Variants in CD96 observed in about 807,000 individuals in gnomAD.
CD96 encodes the protein T-cell surface protein tactile.
A neutral mutation model predicts 71.3 loss-of-function variants in CD96; 70 were observed. The ratio of observed to expected loss-of-function variants is 0.98; its 90% confidence interval spans 0.81 to 1.20. The LOEUF is 1.20. CD96 is among the 50% of genes most tolerant of loss of function. The pLI, the probability that CD96 is intolerant of heterozygous loss-of-function variation, is 0.00. For missense variants in CD96, 742 were observed against 677.5 expected, an observed-to-expected ratio of 1.10 and a Z score of -1.06; for synonymous variants, 248 against 233.0, an observed-to-expected ratio of 1.06 and a Z score of -0.59.
chr3:111,639,089 T>C (rs957232528), intron 12 of CD96, among the ~76,000 whole-genome samples: 2 of 152,126 alleles, frequency 1.3e-5, no homozygotes, highest in East Asian at 1.9e-4. Flanking sequence ...AGAGTCTTCA[T>C]TGTGAATTTT....
At chr3:111,544,517 C>T (rs1158032027) in intron 1 of CD96, among the ~76,000 whole-genome samples, 6 of 152,154 alleles carry the variant, frequency 3.9e-5, no homozygotes, top group African/African-American at 1.4e-4. Context: ...GGGTTAACAA[C>T]ATCACCTATG....
In CD96 at chr3:111,632,411, G is replaced by A. The variant is rs185997540; in HGVS notation, c.1322-4785G>A. Among the ~76,000 whole-genome samples, 28 of 152,000 alleles carry A rather than the reference G, an allele frequency of 1.8e-4. 1 individual carries two copies. The highest frequency in any genetic ancestry group is 5.3e-4 in the African/African-American group (22 of 41,458). Reference sequence around the variant, plus strand: ...CATTAGAGAAATGCAAATCGAAACCGCAATGAGATACCATCTCACACCAGT... The same window carrying A: ...CATTAGAGAAATGCAAATCGAAACCACAATGAGATACCATCTCACACCAGT... On this transcript the variant is annotated intron_variant, in intron 10 of 13. Coordinates refer to ENST00000352690, the MANE Select transcript of CD96 (RefSeq NM_005816.5).
chr3:111,654,564 C>T (rs1482741001), downstream of CD96, among the ~76,000 whole-genome samples: 1 of 152,218 alleles, frequency 6.6e-6, no homozygotes, highest in Non-Finnish European at 1.5e-5. Context: ...AATCTCCAAA[C>T]TCTTTCCTGT....
At chr3:111,589,854 A>T (rs1936894528) in intron 5 of CD96, among the ~76,000 whole-genome samples, 1 of 152,206 alleles carries the variant, frequency 6.6e-6, no homozygotes, top group Admixed American at 6.5e-5. Flanking sequence ...TCAAATTCTA[A>T]TTCAACTACT....
At chr3:111,577,474 C>A in intron 3 of CD96, 1 of 1,541,422 alleles carries the variant, frequency 6.5e-7, no homozygotes, top group Non-Finnish European at 9.0e-7. Flanking sequence ...CAGTCTTTCT[C>A]CCTTCTTCTT....
At chr3:111,554,503 C>A (rs562684424) in intron 2 of CD96, among the ~76,000 whole-genome samples, 31 of 152,124 alleles carry the variant, frequency 2.0e-4, no homozygotes, top group African/African-American at 7.2e-4. Flanking sequence ...CTATTTTTCT[C>A]TTATTTTCTT....
chr3:111,577,443 G>A, intron 3 of CD96: 1 of 1,191,730 alleles, frequency 8.4e-7, no homozygotes, highest in Non-Finnish European at 1.3e-6. Context: ...AGCTCCTCTG[G>A]GGGATCCTAT....
chr3:111,617,459 C>T (rs188819471), intron 8 of CD96, among the ~76,000 whole-genome samples: 12 of 152,282 alleles, frequency 7.9e-5, no homozygotes, highest in African/African-American at 2.4e-4. Context: ...CATGAAAAAC[C>T]GGGGATTCAG....
At chr3:111,615,075 G>A (rs1938162132) in intron 8 of CD96, among the ~76,000 whole-genome samples, 1 of 152,206 alleles carries the variant, frequency 6.6e-6, no homozygotes. Flanking sequence ...TCAACGTGAG[G>A]TGGCTTGTGC....
chr3:111,595,257 T>C (rs1937202140), intron 5 of CD96: 1 of 152,202 alleles, frequency 6.6e-6, no homozygotes, highest in Admixed American at 6.5e-5. Flanking sequence ...TCTGCAACCG[T>C]GAACAGTTAG....
At chr3:111,663,213 C>T (rs1017115362) in intron 14 of CD96, among the ~76,000 whole-genome samples, 28 of 151,946 alleles carry the variant, frequency 1.8e-4, no homozygotes, top group African/African-American at 6.3e-4. Flanking sequence ...TGTGAGATCT[C>T]GTGAGAACTC....
At chr3:111,639,522 G>A (rs575018028) in intron 12 of CD96, among the ~76,000 whole-genome samples, 207 of 152,200 alleles carry the variant, frequency 1.4e-3, no homozygotes, top group South Asian at 3.1e-3. Context: ...GCCCTGCCCC[G>A]ACCTGATGGT....
chr3:111,563,896 T>C (rs62275476), intron 2 of CD96, among the ~76,000 whole-genome samples: 18,097 of 152,126 alleles, frequency 0.12, 1,167 homozygotes, highest in Non-Finnish European at 0.13. Flanking sequence ...TGAGTTCTTG[T>C]GTAACTCTAA....
intron 12 of CD96, among the ~76,000 whole-genome samples, chr3:111,643,142 G>T (rs1019272885): frequency 3.4e-5 from 5 of 147,234 alleles, no homozygotes; most frequent in African/African-American, 1.0e-4. Flanking sequence ...CCTTGATCAA[G>T]TGAGTTTCAT....
At chr3:111,589,186 G>A (rs1418890671) in intron 5 of CD96, among the ~76,000 whole-genome samples, 2 of 151,994 alleles carry the variant, frequency 1.3e-5, no homozygotes, top group African/African-American at 2.4e-5. Context: ...CCCTGACCTC[G>A]TGATCCGCCC....
At position 111,579,071 on chromosome 3, in the gene CD96, C is replaced by T; in HGVS notation, c.588C>T (p.Leu196=). The T allele has an allele frequency of 1.2e-6, 2 of 1,610,256 alleles. No individual in the cohort carries two copies. Among genetic ancestry groups the T allele is most frequent in the South Asian group, 2.2e-5 (2 of 91,004 alleles). ...TQETLISQNH[L]ISNSTLLKDR... ...AAACACTTATCTCCCAAAATCACCT[C>T]ATCAGCAATTCCACATTACTTAAAG... is the stretch of plus-strand genomic sequence containing the variant. The change falls in exon 4 of 14, where the codon CTC becomes CTT. Residue 196 remains leucine (L), a synonymous_variant. Transcript: ENST00000352690.
At chr3:111,580,179 G>A (rs1936401500) in intron 4 of CD96, among the ~76,000 whole-genome samples, 1 of 152,220 alleles carries the variant, frequency 6.6e-6, no homozygotes, top group African/African-American at 2.4e-5. Flanking sequence ...CTTTAGGAAA[G>A]GCCCTCTGAA....
chr3:111,579,051 C>T lies in CD96; in HGVS notation c.568C>T (p.Leu190Phe). Reference protein sequence around the residue: ...SVEDNGTQETLISQNHLISNS... With the variant: ...SVEDNGTQETFISQNHLISNS... The stretch of plus-strand genomic sequence containing the variant: ...GGAGGATAATGGAACTCAGGAAACA[C>T]TTATCTCCCAAAATCACCTCATCAG... The change falls in exon 4 of 14, where the codon CTT becomes TTT. Residue 190 changes from leucine to phenylalanine, a missense_variant. Leu to Phe is a conservative substitution (Grantham distance 22). Coordinates refer to ENST00000352690, the MANE Select transcript of CD96 (RefSeq NM_005816.5). 3 of 1,607,448 alleles carry T rather than the reference C, an allele frequency of 1.9e-6. No homozygotes were observed. Among genetic ancestry groups the T allele is most frequent in the Non-Finnish European group, 2.6e-6 (3 of 1,173,902 alleles).
intron 3 of CD96, among the ~76,000 whole-genome samples, chr3:111,570,358 A>G (rs1294854336): frequency 6.6e-6 from 1 of 152,150 alleles, no homozygotes; most frequent in Non-Finnish European, 1.5e-5. Context: ...CTAAGGTCAC[A>G]GTCTGGGAGA....
Sources: gnomAD v4.1 joint callset for allele counts (sites outside exome capture counted in the v4.1 genomes callset) on GRCh38, gnomAD v4.1.1 for gene constraint, MANE v1.5 for transcripts, NCBI Gene and HGNC (gene_info 2026-07-23, HGNC 2026-07-21) for gene names.